Variants in LSAMP observed in about 807,000 individuals in gnomAD.
LSAMP encodes limbic system-associated membrane protein.
LSAMP carries 7 observed loss-of-function variants against 38.6 expected under a neutral mutation model. That is an observed-to-expected ratio of 0.18 (90% CI 0.10 to 0.34). The LOEUF is 0.34. Ranked by LOEUF, LSAMP falls within the 10% of genes least tolerant of loss-of-function variation. The pLI, the probability that LSAMP is intolerant of heterozygous loss-of-function variation, is 1.00. For synonymous variants in LSAMP, 154 were observed against 166.8 expected (o/e 0.92, Z 0.59); for missense variants, 313 against 420.0 (o/e 0.75, Z 2.23).
intron 1 of LSAMP, among the ~76,000 whole-genome samples, chr3:116,165,762 T>C (rs1349885477): frequency 1.3e-5 from 2 of 152,176 alleles, no homozygotes; most frequent in African/African-American, 4.8e-5. Flanking sequence ...TCCCCTCTTG[T>C]TCTTAATGCT....
intron 3 of LSAMP, among the ~76,000 whole-genome samples, chr3:115,924,102 T>A (rs1489162916): frequency 6.6e-6 from 1 of 152,152 alleles, no homozygotes; most frequent in Non-Finnish European, 1.5e-5. Context: ...CTGATCCTAA[T>A]TCACATTAGC....
intron 3 of LSAMP, among the ~76,000 whole-genome samples, chr3:116,010,212 C>T (rs183555169): frequency 3.3e-5 from 5 of 152,270 alleles, no homozygotes; most frequent in Admixed American, 2.0e-4. Context: ...CCACTGTACC[C>T]AGCCCAACAT....
At chr3:116,320,782 A>T (rs1465608021) in intron 1 of LSAMP, among the ~76,000 whole-genome samples, 1 of 152,186 alleles carries the variant, frequency 6.6e-6, no homozygotes, top group Non-Finnish European at 1.5e-5. Context: ...GCACTAGCAC[A>T]GTGACCGGCA....
At chr3:116,004,122 A>C (rs1940081251) in intron 3 of LSAMP, among the ~76,000 whole-genome samples, 1 of 152,278 alleles carries the variant, frequency 6.6e-6, no homozygotes, top group East Asian at 1.9e-4. Context: ...GAAATCATAA[A>C]GTGTTATAAT....
intron 1 of LSAMP, among the ~76,000 whole-genome samples, chr3:116,156,102 T>G (rs1709741022): frequency 1.3e-5 from 2 of 152,170 alleles, no homozygotes; most frequent in African/African-American, 4.8e-5. Context: ...AATGGTGATT[T>G]AGGACACTGG....
intron 1 of LSAMP, among the ~76,000 whole-genome samples, chr3:116,100,371 C>A (rs989898748): frequency 6.6e-6 from 1 of 152,090 alleles, no homozygotes; most frequent in African/African-American, 2.4e-5. Context: ...TAAGCCACCA[C>A]CCCCAGCCAA....
intron 1 of LSAMP, among the ~76,000 whole-genome samples, chr3:116,182,693 G>T (rs879631067): frequency 2.0e-5 from 3 of 151,774 alleles, no homozygotes; most frequent in Admixed American, 2.0e-4. Context: ...TTTTGATATT[G>T]TTGTTGCTTG....
rs137990575 is a variant in LSAMP, at chr3:116,387,832, G to A, written c.155+57045C>T. Among the ~76,000 whole-genome samples the A allele has an allele frequency of 6.2e-3, 941 of 152,168 alleles. 11 individuals are homozygous for A. Among genetic ancestry groups the A allele is most frequent in the African/African-American group, 0.021 (890 of 41,480 alleles). ...ACTTTTGCCGGGCGCAGTATCTCAC[G>A]CCTGTAATCCCAGCACTTTGGGAGG... On this transcript the variant is annotated intron_variant, in intron 1 of 6. Coordinates refer to ENST00000490035, the MANE Select transcript of LSAMP (RefSeq NM_002338.5).
At position 116,121,451 on chromosome 3, in the gene LSAMP, A is replaced by T. The variant is rs1292309336; in HGVS notation, c.156-34895T>A. On this transcript the variant is annotated intron_variant, in intron 1 of 6. Transcript: ENST00000490035. ...AACTTTCTTATAAATCTTTAAAAAT[A>T]AATCATAAGCTTCTTCTGTAATTAA... 2.0e-5 allele frequency among the ~76,000 whole-genome samples: 3 copies of T among 152,256 alleles called. No individual in the cohort carries two copies. The South Asian group carries it at 6.2e-4, about 32-fold the overall frequency.
chr3:116,271,286 G>T (rs2046968870), intron 1 of LSAMP, among the ~76,000 whole-genome samples: 1 of 151,848 alleles, frequency 6.6e-6, no homozygotes. Flanking sequence ...ATACTCATTG[G>T]ATTACTCTAC....
At chr3:116,059,741 T>C (rs370080899) in intron 2 of LSAMP, among the ~76,000 whole-genome samples, 1 of 152,206 alleles carries the variant, frequency 6.6e-6, no homozygotes, top group East Asian at 1.9e-4. Context: ...GGATTTATAT[T>C]GGCTGACTCA....
At chr3:115,995,258 A>G (rs1035858425) in intron 3 of LSAMP, among the ~76,000 whole-genome samples, 1 of 152,100 alleles carries the variant, frequency 6.6e-6, no homozygotes, top group Non-Finnish European at 1.5e-5. Context: ...CATGATCAAT[A>G]GGCTTGCCCC....
chr3:116,007,512 T>C (rs1940197015), intron 3 of LSAMP, among the ~76,000 whole-genome samples: 1 of 152,192 alleles, frequency 6.6e-6, no homozygotes. Context: ...TTTTAAGTGA[T>C]ATGTTAGACT....
intron 3 of LSAMP, among the ~76,000 whole-genome samples, chr3:115,966,154 G>A (rs1938806180): frequency 6.6e-6 from 1 of 152,162 alleles, no homozygotes; most frequent in African/African-American, 2.4e-5. Flanking sequence ...AAGGGACTAT[G>A]CACCTATTGG....
chr3:115,983,853 A>G (rs1353992743), intron 3 of LSAMP, among the ~76,000 whole-genome samples: 1 of 152,190 alleles, frequency 6.6e-6, no homozygotes, highest in Non-Finnish European at 1.5e-5. Flanking sequence ...GGGCAGAACC[A>G]CAGAGTATTC....
intron 1 of LSAMP, among the ~76,000 whole-genome samples, chr3:116,091,147 C>T (rs997579969): frequency 1.3e-4 from 20 of 152,196 alleles, no homozygotes; most frequent in Non-Finnish European, 2.1e-4. Context: ...TTCTCAGGGA[C>T]GTTCCATGCT....
At chr3:116,147,077 T>C (rs1259513365) in intron 1 of LSAMP, among the ~76,000 whole-genome samples, 13 of 152,060 alleles carry the variant, frequency 8.5e-5, no homozygotes, top group African/African-American at 2.9e-4. Context: ...TCTTTATTGT[T>C]GACATAACTA....
chr3:116,359,149 A>C (rs1340355683), intron 1 of LSAMP, among the ~76,000 whole-genome samples: 1 of 152,252 alleles, frequency 6.6e-6, no homozygotes, highest in Non-Finnish European at 1.5e-5. Flanking sequence ...TTTATGATAC[A>C]TACTACTTTT....
At chr3:116,393,481 T>A (rs76981534) in intron 1 of LSAMP, among the ~76,000 whole-genome samples, 4,161 of 152,250 alleles carry the variant, frequency 0.027, 194 homozygotes, top group African/African-American at 0.092. Flanking sequence ...CTTGCTCACA[T>A]ACCCCTCACT....
Sources: allele counts gnomAD v4.1 joint callset (sites outside exome capture counted in the v4.1 genomes callset), GRCh38; gene constraint gnomAD v4.1.1; transcripts MANE v1.5; gene names NCBI Gene and HGNC (gene_info 2026-07-23, HGNC 2026-07-21).